KCNN3: variants seen among roughly 807,000 people sequenced by gnomAD.
KCNN3 encodes small conductance calcium-activated potassium channel protein 3.
Under a neutral mutation model 62.9 loss-of-function variants are expected in KCNN3, and 16 were observed. That is an observed-to-expected ratio of 0.25 (90% CI 0.17 to 0.39). The LOEUF is 0.39. Among genes scored for constraint, KCNN3 ranks in the 10% least tolerant of loss-of-function variants. KCNN3 has a pLI of 1.00. For synonymous variants in KCNN3, 370 were observed against 389.2 expected (o/e 0.95, Z 0.58); for missense variants, 599 against 949.4 (o/e 0.63, Z 4.85).
chr1:154,822,973 C>T (rs1206569762), intron 1 of KCNN3, among the ~76,000 whole-genome samples: 1 of 152,218 alleles, frequency 6.6e-6, no homozygotes, highest in Non-Finnish European at 1.5e-5. Flanking sequence ...TTAGGGCTAC[C>T]TGACCTTGGA....
intron 3 of KCNN3, among the ~76,000 whole-genome samples, chr1:154,768,269 G>T (rs1020330303): frequency 1.4e-4 from 22 of 152,230 alleles, no homozygotes; most frequent in African/African-American, 5.3e-4. Flanking sequence ...AATAAGTCCT[G>T]GCTGAAGGCC....
At position 154,705,330 on chromosome 1, in the gene KCNN3, A is replaced by C. The variant is rs1014147572; in HGVS notation, c.*2646T>G. 1.6e-4 allele frequency: 24 copies of C among 152,362 alleles called. No homozygotes were observed. Among genetic ancestry groups the C allele is most frequent in the African/African-American group, 5.5e-4 (23 of 41,592 alleles). 9.4% of individuals were successfully genotyped at this position (152,362 alleles called of 1,614,324 possible). A position where few individuals can be genotyped will look rare whatever the true frequency, so the allele number is the denominator to read the frequency against. On this transcript the variant is annotated 3_prime_UTR_variant, in exon 8 of 8. Coordinates refer to ENST00000271915, the MANE Select transcript of KCNN3 (RefSeq NM_002249.6). ...CTTTCCCACATAAAGCTGAAATGCT[A>C]GTACAGAGAAATAGCCTTCCATTTG...
chr1:154,835,027 C>T (rs1244974408), intron 1 of KCNN3, among the ~76,000 whole-genome samples: 3 of 152,228 alleles, frequency 2.0e-5, no homozygotes, highest in Admixed American at 2.0e-4. Flanking sequence ...TGGGGTCAGC[C>T]ACCGAGGAAG....
rs1348641499 is a variant in KCNN3 at position 154,722,464 on chromosome 1, T to A, written c.1701+3452A>T. On this transcript the variant is annotated intron_variant, in intron 5 of 7. Coordinates refer to ENST00000271915, the MANE Select transcript of KCNN3 (RefSeq NM_002249.6). ...GTGCAGTGGCACGATCTCGGCTCAC[T>A]GCAACTTTCGCCTCCCAGGTTGAAG... Among the ~76,000 whole-genome samples, 3 of 149,352 alleles carry A rather than the reference T, an allele frequency of 2.0e-5. No homozygotes were observed. In the South Asian group the frequency reaches 6.4e-4, roughly 32 times the overall value.
chr1:154,746,512 C>CT, intron 3 of KCNN3, among the ~76,000 whole-genome samples: 1 of 152,134 alleles, frequency 6.6e-6, no homozygotes, highest in East Asian at 1.9e-4. Flanking sequence ...TTGCCCCAAA[C>CT]CCCTCCATCT....
chr1:154,733,698 C>G (rs1481204944), intron 3 of KCNN3, among the ~76,000 whole-genome samples: 1 of 152,102 alleles, frequency 6.6e-6, no homozygotes, highest in Non-Finnish European at 1.5e-5. Context: ...CTGGGGTGTC[C>G]ACAGAGGCCT....
chr1:154,803,693 G>A (rs1650048469), intron 2 of KCNN3, among the ~76,000 whole-genome samples: 1 of 152,206 alleles, frequency 6.6e-6, no homozygotes, highest in South Asian at 2.1e-4. Flanking sequence ...GTGTGATGTG[G>A]CCCTGGGCAG....
intron 3 of KCNN3, among the ~76,000 whole-genome samples, chr1:154,742,676 C>T (rs1228544518): frequency 6.6e-6 from 1 of 152,240 alleles, no homozygotes; most frequent in Non-Finnish European, 1.5e-5. Context: ...GAGCAGATCA[C>T]TCCACGGACT....
chr1:154,722,766 C>G (rs1700383150), intron 5 of KCNN3, among the ~76,000 whole-genome samples: 1 of 148,684 alleles, frequency 6.7e-6, no homozygotes, highest in Non-Finnish European at 1.5e-5. Context: ...GAGTCTTGCT[C>G]TGTTGCCCAG....
chr1:154,744,001 G>A (rs566765802), intron 3 of KCNN3, among the ~76,000 whole-genome samples: 3 of 152,028 alleles, frequency 2.0e-5, no homozygotes, highest in South Asian at 2.1e-4. Flanking sequence ...GGTGTTACCC[G>A]CCCACCCTGT....
intron 3 of KCNN3, among the ~76,000 whole-genome samples, chr1:154,765,441 A>C (rs1410970687): frequency 6.6e-6 from 1 of 152,056 alleles, no homozygotes; most frequent in African/African-American, 2.4e-5. Context: ...CACATTCCAC[A>C]TTTTTAAAAA....
Position 154,720,782 on chromosome 1 carries a change from G to C in KCNN3, c.1701+5134C>G, listed in dbSNP as rs113430590. Among the ~76,000 whole-genome samples the C allele has an allele frequency of 7.4e-4, 113 of 152,340 alleles. No homozygotes were observed. In the Middle Eastern group the frequency reaches 0.014, roughly 18 times the overall value. ...CAGGATGACTGGGGTAAGGGACGCC[G>C]AAGTGAGGAGAGCAGGTAGCAGGCT... On this transcript the variant is annotated intron_variant, in intron 5 of 7. Transcript: ENST00000271915.
chr1:154,747,267 TCCCCAGCTGGTGTC>T (rs1236122255), intron 3 of KCNN3, among the ~76,000 whole-genome samples: 1 of 152,072 alleles, frequency 6.6e-6, no homozygotes, highest in Non-Finnish European at 1.5e-5. Flanking sequence ...TACAGCAGCC[TCCCCAGCTGGTGTC>T]CCGTCTTCCC....
chr1:154,821,507 T>C (rs1650892059), intron 2 of KCNN3, among the ~76,000 whole-genome samples: 1 of 152,118 alleles, frequency 6.6e-6, no homozygotes, highest in Non-Finnish European at 1.5e-5. Context: ...AGCCAATGTT[T>C]CTCTGGGTAC....
At chr1:154,826,039 T>G (rs1219964408) in intron 1 of KCNN3, among the ~76,000 whole-genome samples, 1 of 132,062 alleles carries the variant, frequency 7.6e-6, no homozygotes, top group African/African-American at 3.1e-5. Flanking sequence ...AGAGCGAGAC[T>G]CCATCTTAAA....
intron 2 of KCNN3, among the ~76,000 whole-genome samples, chr1:154,774,542 G>A (rs1648713016): frequency 6.6e-6 from 1 of 152,220 alleles, no homozygotes; most frequent in African/African-American, 2.4e-5. Flanking sequence ...CATATGTTCG[G>A]TGTGGGCCTC....
chr1:154,779,028 G>C (rs935969084), intron 2 of KCNN3, among the ~76,000 whole-genome samples: 2 of 152,036 alleles, frequency 1.3e-5, no homozygotes, highest in South Asian at 4.1e-4. Context: ...GCTCACTATA[G>C]ACACATGGCC....
chr1:154,827,122 A>G (rs1449972380), intron 1 of KCNN3, among the ~76,000 whole-genome samples: 2 of 152,246 alleles, frequency 1.3e-5, no homozygotes, highest in African/African-American at 2.4e-5. Context: ...TTGTGCATTC[A>G]ATCTGGGAAA....
chr1:154,774,381 G>A (rs966483823), intron 2 of KCNN3, among the ~76,000 whole-genome samples: 6 of 152,184 alleles, frequency 3.9e-5, no homozygotes, highest in Non-Finnish European at 8.8e-5. Flanking sequence ...GTCCCACTGT[G>A]GAGTCCCACC....
Sources: allele counts gnomAD v4.1 joint callset (sites outside exome capture counted in the v4.1 genomes callset), GRCh38; gene constraint gnomAD v4.1.1; transcripts MANE v1.5; gene names NCBI Gene and HGNC (gene_info 2026-07-23, HGNC 2026-07-21).